DST: variants seen among roughly 807,000 people sequenced by gnomAD.
DST encodes the protein dystonin, also known as bullous pemphigoid antigen.
DST carries 253 observed loss-of-function variants against 875.2 expected under a neutral mutation model. The ratio of observed to expected loss-of-function variants is 0.29; its 90% confidence interval spans 0.26 to 0.32. DST has a LOEUF of 0.32. DST is among the 10% of genes least tolerant of loss of function. The pLI is 1.00. For synonymous variants in DST, 3,124 were observed against 3,197.1 expected (o/e 0.98, Z 0.77); for missense variants, 8,287 against 9,111.6 (o/e 0.91, Z 3.68).
In DST at chr6:56,865,301, A is replaced by ATG. The variant is rs576756554; in HGVS notation, c.418-13699_418-13698dup. 8.3e-3 allele frequency among the ~76,000 whole-genome samples: 1,132 copies of ATG among 136,130 alleles called. 5 individuals are homozygous for ATG. The highest frequency in any genetic ancestry group is 0.012 in the Non-Finnish European group (724 of 62,116). The allele number at this position is 136,130 out of a possible 152,430, so 89.3% of individuals were successfully genotyped here. A position where few individuals can be genotyped will look rare whatever the true frequency, so the allele number is the denominator to read the frequency against. On this transcript the variant is annotated intron_variant, in intron 3 of 103. Coordinates refer to ENST00000680361, the MANE Select transcript of DST (RefSeq NM_001374736.1). ...TGTGTGTGTGTGTGTGTGTGTCTGTATGTGTGTGTGTGTAAGAGAGACAGA... is the reference window on the plus strand; with the variant it reads ...TGTGTGTGTGTGTGTGTGTGTCTGTATGTGTGTGTGTGTGTAAGAGAGACAGA...
chr6:56,555,708 T>C lies in DST; in HGVS notation c.14773A>G (p.Thr4925Ala), dbSNP rs750369734. ...GIVKEQLAAV[T>A]QKWDSLTGQL... is the part of the protein sequence containing the mutation. Reference sequence around the variant, plus strand: ...CCTGTTAGGCTATCCCATTTTTGGGTCACAGCTGCCAGTTGCTCTTTCACA... The same window carrying C: ...CCTGTTAGGCTATCCCATTTTTGGGCCACAGCTGCCAGTTGCTCTTTCACA... Residue 4925 changes from threonine (T) to alanine (A), a missense_variant, in exon 60 of 104, where the codon ACC becomes GCC. Physicochemically the swap from Thr to Ala is moderately conservative, Grantham distance 58. This residue lies in a region of DST where 1,513 missense variants were observed against 1,677.8 expected (regional missense o/e 0.90). Coordinates refer to ENST00000680361, the MANE Select transcript of DST (RefSeq NM_001374736.1). The C allele has an allele frequency of 3.1e-6, 5 of 1,611,096 alleles. No individual in the cohort carries two copies. Among genetic ancestry groups the C allele is most frequent in the Non-Finnish European group, 4.2e-6 (5 of 1,177,442 alleles).
At chr6:56,647,035 T>C (rs2098946946) in intron 13 of DST, among the ~76,000 whole-genome samples, 1 of 152,258 alleles carries the variant, frequency 6.6e-6, no homozygotes, top group Admixed American at 6.5e-5. Flanking sequence ...TGTCTTGTTC[T>C]AGTCATCAGC....
intron 63 of DST, among the ~76,000 whole-genome samples, chr6:56,533,556 T>A (rs1327967357): frequency 6.6e-6 from 1 of 152,212 alleles, no homozygotes; most frequent in African/African-American, 2.4e-5. Flanking sequence ...AAAGTCATGA[T>A]ATAATCAAAG....
intron 78 of DST, among the ~76,000 whole-genome samples, chr6:56,502,513 C>G (rs1446048812): frequency 6.6e-6 from 1 of 151,994 alleles, no homozygotes; most frequent in Admixed American, 6.6e-5. Flanking sequence ...AGGAGTAAAA[C>G]CAGTTAGTAA....
At position 56,640,579 on chromosome 6, in the gene DST, ATAATTTCGTCACGCAG is replaced by A; in HGVS notation, c.2038_2053del (p.Leu680TrpfsTer3). On this transcript the variant is annotated frameshift_variant, in exon 18 of 104. Coordinates refer to ENST00000680361, the MANE Select transcript of DST (RefSeq NM_001374736.1). LOFTEE classifies it high-confidence loss of function. Reference sequence around the variant, plus strand: ...AGAAGAACATTCGTTCCTTAAGGCCATAATTTCGTCACGCAGTTTTGCAACCCTGAAAAGAAAATCC... The same window carrying A: ...AGAAGAACATTCGTTCCTTAAGGCCATTTTGCAACCCTGAAAAGAAAATCC... 1 of 1,614,190 alleles carries A rather than the reference ATAATTTCGTCACGCAG, an allele frequency of 6.2e-7. No homozygotes were observed. Among genetic ancestry groups the A allele is most frequent in the South Asian group, 1.1e-5 (1 of 91,082 alleles).
chr6:56,642,892 A>G, intron 15 of DST: 1 of 1,582,876 alleles, frequency 6.3e-7, no homozygotes. Context: ...TGGCAGCTGA[A>G]TATTACAGCT....
chr6:56,642,394 C>T lies in DST; in HGVS notation c.1872+16G>A, dbSNP rs1310661434. ...CTCCTCTACCACAACCCCAATGGCT[C>T]CTAAAATTAACTTACAGACTGAAGA... is the stretch of plus-strand genomic sequence containing the variant. On this transcript the variant is annotated intron_variant, in intron 16 of 103. Coordinates refer to ENST00000680361, the MANE Select transcript of DST (RefSeq NM_001374736.1). 2 of 1,582,702 alleles carry T rather than the reference C, an allele frequency of 1.3e-6. No individual in the cohort carries two copies. Among genetic ancestry groups the T allele is most frequent in the Non-Finnish European group, 1.7e-6 (2 of 1,151,608 alleles).
rs1212579794 is a variant in DST at position 56,608,666 on chromosome 6, T to G, written c.5962A>C (p.Ser1988Arg). The change falls in exon 40 of 104, where the codon AGT becomes CGT. Residue 1988 changes from serine to arginine, a missense_variant. Physicochemically the swap from Ser to Arg is moderately radical, Grantham distance 110. This residue lies in a region of DST where 3,138 missense variants were observed against 3,116.6 expected (regional missense o/e 1.01). Transcript: ENST00000680361. ...AGACCTCCAGAAAGAAGCTGTGCAC[T>G]TAACAACCTAAACATGGTTTCACGG... ...IDRETMFRLL[S>R]AQLLSGGLIN... The G allele has an allele frequency of 6.2e-7, 1 of 1,613,242 alleles. No individual in the cohort carries two copies. Among genetic ancestry groups the G allele is most frequent in the South Asian group, 1.1e-5 (1 of 90,952 alleles).
At chr6:56,586,980 T>G (rs1313679364) in intron 49 of DST, among the ~76,000 whole-genome samples, 1 of 152,096 alleles carries the variant, frequency 6.6e-6, no homozygotes, top group East Asian at 1.9e-4. Flanking sequence ...GCAGAAAAAC[T>G]GGAAACTCTA....
At chr6:56,578,760 A>G in intron 50 of DST, 54 bp downstream of exon 50, 9 of 1,587,132 alleles carry the variant, frequency 5.7e-6, no homozygotes, top group East Asian at 2.2e-5. Flanking sequence ...CTATTAGGAC[A>G]CCTTTCTTTA....
intron 17 of DST, among the ~76,000 whole-genome samples, chr6:56,641,131 G>GAGAA (rs1245707943): frequency 1.3e-5 from 2 of 151,758 alleles, no homozygotes; most frequent in African/African-American, 4.8e-5. Flanking sequence ...GAGAGAGAGA[G>GAGAA]AGAGAGAGAG....
intron 69 of DST, among the ~76,000 whole-genome samples, chr6:56,525,768 A>T (rs1194548466): frequency 2.0e-5 from 3 of 152,194 alleles, no homozygotes; most frequent in Admixed American, 2.0e-4. Context: ...CATTGCCCAC[A>T]GTCTTCCCAG....
chr6:56,597,613 CATG>C, intron 47 of DST, 124 bp downstream of exon 47: 1 of 864,676 alleles, frequency 1.2e-6, no homozygotes, highest in African/African-American at 1.7e-5. Context: ...TTATATCTGA[CATG>C]ATGAACACAG....
chr6:56,694,514 ATT>A (rs1373153787), intron 9 of DST, among the ~76,000 whole-genome samples: 1 of 151,628 alleles, frequency 6.6e-6, no homozygotes, highest in African/African-American at 2.4e-5. Context: ...AAGGTCCCAG[ATT>A]TTTTTTTGTT....
intron 3 of DST, among the ~76,000 whole-genome samples, chr6:56,887,763 T>G (rs780879236): frequency 2.0e-5 from 3 of 152,040 alleles, no homozygotes; most frequent in Non-Finnish European, 2.9e-5. Context: ...TATGAACACA[T>G]GCTTATTTTT....
At position 56,526,435 on chromosome 6, in the gene DST, G is replaced by A. The variant is rs533800541; in HGVS notation, c.18055C>T (p.Arg6019Cys). Residue 6019 changes from arginine to cysteine, a missense_variant, in exon 69 of 104, where the codon CGC becomes TGC. By Grantham distance (180) the Arg-to-Cys change is radical. Transcript: ENST00000680361. ...LEKMVAEDNE[R>C]YRLVSDTITQ... ...ATGGTGTCGCTCACTAATCGGTAGC[G>A]CTCATTGTCCTCAGCTACCATTTTC... 4.3e-6 allele frequency: 7 copies of A among 1,613,746 alleles called. No homozygotes were observed. In the Admixed American group the frequency reaches 5.0e-5, roughly 12 times the overall value.
In DST at chr6:56,784,604, G is replaced by T. The variant is rs374789299; in HGVS notation, c.626-49315C>A. On this transcript the variant is annotated intron_variant, in intron 4 of 103. Coordinates refer to ENST00000680361, the MANE Select transcript of DST (RefSeq NM_001374736.1). ...CTCCTTTAAGCACTTCTCTGTATTG[G>T]TTATTGTAGTTATATATTCGTCTAA... 3.6e-4 allele frequency among the ~76,000 whole-genome samples: 55 copies of T among 152,234 alleles called. 1 individual carries two copies. In the East Asian group the frequency reaches 4.0e-3, roughly 11 times the overall value.
In DST at chr6:56,471,088, A is replaced by G. The variant is rs764109591; in HGVS notation, c.22321+18T>C. ...TTTAAAAATTGTATCAGTCATAGTC[A>G]TCTGTCTTGGAACTTACTTGAGGAA... On this transcript the variant is annotated intron_variant, in intron 95 of 103. Coordinates refer to ENST00000680361, the MANE Select transcript of DST (RefSeq NM_001374736.1). The G allele has an allele frequency of 6.2e-7, 1 of 1,606,580 alleles. No homozygotes were observed. Among genetic ancestry groups the G allele is most frequent in the South Asian group, 1.1e-5 (1 of 89,326 alleles).
At chr6:56,954,039 A>T (rs1298660312) in intron 1 of DST, among the ~76,000 whole-genome samples, 1 of 152,136 alleles carries the variant, frequency 6.6e-6, no homozygotes, top group Non-Finnish European at 1.5e-5. Flanking sequence ...GGAGTTGGGG[A>T]GCCCCGAAGT....
Sources: gnomAD v4.1 joint callset for allele counts (sites outside exome capture counted in the v4.1 genomes callset) on GRCh38, gnomAD v4.1.1 for gene constraint, gnomAD v4.1.1 regional missense constraint, MANE v1.5 for transcripts, NCBI Gene and HGNC (gene_info 2026-07-23, HGNC 2026-07-21) for gene names.